RSRC1: variants seen among roughly 807,000 people sequenced by gnomAD.
RSRC1 encodes serine/Arginine-related protein 53.
RSRC1 carries 39 observed loss-of-function variants against 49.1 expected under a neutral mutation model. The ratio of observed to expected loss-of-function variants is 0.79; its 90% CI spans 0.61 to 1.04. The LOEUF is 1.04. Ranked by LOEUF, RSRC1 falls within the 50% of genes least tolerant of loss-of-function variation. The pLI is 0.00. For synonymous variants in RSRC1, 143 were observed against 130.8 expected (o/e 1.09, Z -0.63); for missense variants, 388 against 402.4 (o/e 0.96, Z 0.31).
intron 7 of RSRC1, among the ~76,000 whole-genome samples, chr3:158,505,317 C>T (rs1560068222): frequency 6.6e-6 from 1 of 152,122 alleles, no homozygotes; most frequent in African/African-American, 2.4e-5. Context: ...TGGAGGTGTT[C>T]CTAGATTAGC....
intron 6 of RSRC1, among the ~76,000 whole-genome samples, chr3:158,379,590 C>T (rs1208854473): frequency 6.6e-6 from 1 of 151,994 alleles, no homozygotes; most frequent in Non-Finnish European, 1.5e-5. Flanking sequence ...CATTTCATCT[C>T]CTGTTCTCCT....
chr3:158,466,720 A>G (rs1261755274), intron 7 of RSRC1, among the ~76,000 whole-genome samples: 1 of 152,176 alleles, frequency 6.6e-6, no homozygotes, highest in Non-Finnish European at 1.5e-5. Context: ...GGGGAACATG[A>G]TAAAAGCTGC....
intron 3 of RSRC1, among the ~76,000 whole-genome samples, chr3:158,129,288 C>CT (rs71144439): frequency 0.027 from 1,894 of 71,008 alleles, 77 homozygotes; most frequent in African/African-American, 0.088. Flanking sequence ...TTCTTTCTTT[C>CT]TTTTTTTTTT....
At chr3:158,330,988 C>T (rs1009023631) in intron 5 of RSRC1, among the ~76,000 whole-genome samples, 5 of 152,000 alleles carry the variant, frequency 3.3e-5, no homozygotes, top group African/African-American at 9.7e-5. Context: ...TCATGTCTCA[C>T]ATGGCAGCAG....
intron 6 of RSRC1, among the ~76,000 whole-genome samples, chr3:158,423,194 G>C (rs1256707186): frequency 6.6e-6 from 1 of 152,072 alleles, no homozygotes; most frequent in Non-Finnish European, 1.5e-5. Context: ...TTCTTCGAGG[G>C]TTTTTATGGT....
chr3:158,332,228 A>C (rs1271837120), intron 5 of RSRC1, among the ~76,000 whole-genome samples: 1 of 152,138 alleles, frequency 6.6e-6, no homozygotes, highest in East Asian at 1.9e-4. Flanking sequence ...ATCATAACTA[A>C]CAACACCCAT....
At chr3:158,383,488 G>A (rs1264724141) in intron 6 of RSRC1, among the ~76,000 whole-genome samples, 1 of 151,284 alleles carries the variant, frequency 6.6e-6, no homozygotes, top group East Asian at 1.9e-4. Context: ...AGGGCTGTAT[G>A]TGCTGACTAA....
At chr3:158,160,109 C>T (rs1034260028) in intron 3 of RSRC1, among the ~76,000 whole-genome samples, 2 of 152,024 alleles carry the variant, frequency 1.3e-5, no homozygotes, top group African/African-American at 4.8e-5. Context: ...CAAAATCTGC[C>T]TTGGGAATTT....
chr3:158,503,208 G>T (rs1578552689), intron 7 of RSRC1, among the ~76,000 whole-genome samples: 1 of 152,130 alleles, frequency 6.6e-6, no homozygotes, highest in East Asian at 1.9e-4. Context: ...TGGTACTGGG[G>T]GCTGTCTGCA....
intron 5 of RSRC1, among the ~76,000 whole-genome samples, chr3:158,342,195 G>C (rs1481080577): frequency 2.0e-5 from 3 of 152,156 alleles, no homozygotes; most frequent in African/African-American, 7.2e-5. Context: ...CTGTTGGGAA[G>C]GCATGGTTGG....
intron 3 of RSRC1, among the ~76,000 whole-genome samples, chr3:158,175,940 A>G (rs189149325): frequency 6.6e-5 from 10 of 152,266 alleles, no homozygotes; most frequent in Admixed American, 2.6e-4. Context: ...TTGTGCATGC[A>G]TCATGAGGTT....
intron 5 of RSRC1, among the ~76,000 whole-genome samples, chr3:158,327,932 C>G (rs1335239772): frequency 6.6e-6 from 1 of 152,006 alleles, no homozygotes; most frequent in Admixed American, 6.6e-5. Flanking sequence ...TGGGTGCATA[C>G]ATATTTAGGA....
chr3:158,152,682 T>C (rs1462361874), intron 3 of RSRC1, among the ~76,000 whole-genome samples: 1 of 152,228 alleles, frequency 6.6e-6, no homozygotes, highest in Non-Finnish European at 1.5e-5. Context: ...TAAAGTGAGA[T>C]ACATGTGAGT....
intron 4 of RSRC1, among the ~76,000 whole-genome samples, chr3:158,243,532 T>G (rs952491564): frequency 1.3e-5 from 2 of 152,168 alleles, no homozygotes; most frequent in Non-Finnish European, 2.9e-5. Context: ...TATTGCAGCT[T>G]TTTTTGCTTC....
intron 5 of RSRC1, among the ~76,000 whole-genome samples, chr3:158,309,340 A>G (rs1425626246): frequency 2.0e-5 from 3 of 151,856 alleles, no homozygotes; most frequent in Non-Finnish European, 4.4e-5. Context: ...CTGCTTTTAT[A>G]AACCTCTAAG....
At chr3:158,262,073 A>C (rs539722250) in intron 4 of RSRC1, among the ~76,000 whole-genome samples, 6 of 152,282 alleles carry the variant, frequency 3.9e-5, no homozygotes, top group South Asian at 4.1e-4. Context: ...TGTTGCTTTA[A>C]CAAATATATG....
intron 6 of RSRC1, among the ~76,000 whole-genome samples, chr3:158,416,585 A>C (rs1165109757): frequency 1.3e-5 from 2 of 152,056 alleles, no homozygotes; most frequent in Non-Finnish European, 2.9e-5. Context: ...AAGGCTTCAG[A>C]GGAATCCAGT....
At chr3:158,331,797 A>G (rs1275288340) in intron 5 of RSRC1, among the ~76,000 whole-genome samples, 1 of 148,006 alleles carries the variant, frequency 6.8e-6, no homozygotes, top group Non-Finnish European at 1.5e-5. Flanking sequence ...AAGATTACAT[A>G]TTTTTTTTCA....
At chr3:158,147,727 A>AT (rs1717234050) in intron 3 of RSRC1, among the ~76,000 whole-genome samples, 1 of 152,012 alleles carries the variant, frequency 6.6e-6, no homozygotes, top group African/African-American at 2.4e-5. Flanking sequence ...GTTTGTTCAA[A>AT]TTTTTTTCCA....
Sources: gnomAD v4.1 joint callset for allele counts (sites outside exome capture counted in the v4.1 genomes callset) on GRCh38, gnomAD v4.1.1 for gene constraint, MANE v1.5 for transcripts, NCBI Gene and HGNC (gene_info 2026-07-23, HGNC 2026-07-21) for gene names.